Variants in PAX3 observed in about 807,000 individuals in gnomAD.
PAX3 encodes paired box protein Pax-3.
PAX3 carries 14 observed loss-of-function variants against 51.6 expected under a neutral mutation model. That is an observed-to-expected ratio of 0.27 (90% confidence interval 0.18 to 0.42). The LOEUF (loss-of-function observed/expected upper bound fraction) is 0.42, where lower values mean the gene tolerates loss of function less well. PAX3 is among the 10% of genes least tolerant of loss of function. The pLI, the probability that PAX3 is intolerant of heterozygous loss-of-function variation, is 1.00. For synonymous variants in PAX3, 280 were observed against 253.4 expected, an observed-to-expected ratio of 1.11 and a Z score of -1.00; for missense variants, 540 against 642.8, an observed-to-expected ratio of 0.84 and a Z score of 1.73.
At chr2:222,252,479 C>T (rs1468475183) in intron 4 of PAX3, among the ~76,000 whole-genome samples, 4 of 152,162 alleles carry the variant, frequency 2.6e-5, no homozygotes, top group Non-Finnish European at 5.9e-5. Context: ...AATTAACATT[C>T]AATCTCTCTC....
intron 4 of PAX3, among the ~76,000 whole-genome samples, chr2:222,253,863 C>T (rs1466995752): frequency 6.6e-6 from 1 of 152,080 alleles, no homozygotes; most frequent in African/African-American, 2.4e-5. Flanking sequence ...CTATGTTGCC[C>T]AGCCTGTTGC....
intron 7 of PAX3, among the ~76,000 whole-genome samples, chr2:222,219,891 A>T (rs1310410038): frequency 1.3e-5 from 2 of 152,226 alleles, no homozygotes. Context: ...ACACCTTCAC[A>T]GCTAAATATG....
intron 7 of PAX3, among the ~76,000 whole-genome samples, chr2:222,219,881 A>G (rs189678989): frequency 1.3e-5 from 2 of 152,342 alleles, no homozygotes; most frequent in East Asian, 3.9e-4. Context: ...AACATGGCAA[A>G]CACCTTCACA....
chr2:222,291,969 G>GGTGTGTGTGTGTGTGTGT (rs3997675), intron 4 of PAX3, among the ~76,000 whole-genome samples: 8 of 133,640 alleles, frequency 6.0e-5, no homozygotes, highest in African/African-American at 1.1e-4. Flanking sequence ...CAGCCTCCAA[G>GGTGTGTGTGTGTGTGTGT]GTGTGTGTGT....
At chr2:222,276,796 G>A (rs1574733487) in intron 4 of PAX3, among the ~76,000 whole-genome samples, 1 of 152,342 alleles carries the variant, frequency 6.6e-6, no homozygotes, top group African/African-American at 2.4e-5. Context: ...GCAGTGAGTG[G>A]ATATTTCTCA....
At chr2:222,250,216 G>A (rs753070538) in intron 4 of PAX3, among the ~76,000 whole-genome samples, 1 of 152,094 alleles carries the variant, frequency 6.6e-6, no homozygotes, top group Non-Finnish European at 1.5e-5. Context: ...AATAGTTTGT[G>A]AAATTCTATT....
intron 1 of PAX3, among the ~76,000 whole-genome samples, chr2:222,297,928 G>A (rs2106206125): frequency 6.6e-6 from 1 of 152,348 alleles, no homozygotes; most frequent in East Asian, 1.9e-4. Flanking sequence ...GCTCAGGCTT[G>A]CAAGACTTCC....
At chr2:222,205,339 A>G (rs922866306) in intron 7 of PAX3, among the ~76,000 whole-genome samples, 4 of 152,078 alleles carry the variant, frequency 2.6e-5, no homozygotes, top group African/African-American at 4.8e-5. Context: ...GTGTGTCACT[A>G]TTGTCACACA....
chr2:222,256,837 G>A (rs1416731288), intron 4 of PAX3, among the ~76,000 whole-genome samples: 1 of 152,208 alleles, frequency 6.6e-6, no homozygotes, highest in African/African-American at 2.4e-5. Flanking sequence ...AAATTCGACA[G>A]ACTGGCCCAA....
At chr2:222,281,049 A>T (rs1321475196) in intron 4 of PAX3, among the ~76,000 whole-genome samples, 1 of 152,206 alleles carries the variant, frequency 6.6e-6, no homozygotes, top group Non-Finnish European at 1.5e-5. Context: ...AATGTGTGTC[A>T]TGTACACACG....
At chr2:222,265,469 C>T (rs369502329) in intron 4 of PAX3, among the ~76,000 whole-genome samples, 2 of 151,556 alleles carry the variant, frequency 1.3e-5, no homozygotes, top group South Asian at 2.1e-4. Flanking sequence ...CTGGCTAACA[C>T]GGTGAAACCC....
intron 1 of PAX3, chr2:222,298,217 G>A (rs1277781901): frequency 2.4e-6 from 1 of 421,542 alleles, no homozygotes; most frequent in Non-Finnish European, 4.3e-6. Flanking sequence ...TTGCGGAGAA[G>A]TTGCTTCTGC....
At chr2:222,225,897 T>G (rs1349907102) in intron 5 of PAX3, among the ~76,000 whole-genome samples, 1 of 152,230 alleles carries the variant, frequency 6.6e-6, no homozygotes, top group Non-Finnish European at 1.5e-5. Flanking sequence ...CTTTTGTGTC[T>G]GTGAGTAAAC....
chr2:222,249,704 G>A (rs761991316), intron 4 of PAX3, among the ~76,000 whole-genome samples: 8 of 152,108 alleles, frequency 5.3e-5, no homozygotes, highest in South Asian at 4.2e-4. Context: ...CCTTGCCCCC[G>A]GGGTCCCGCA....
intron 4 of PAX3, among the ~76,000 whole-genome samples, chr2:222,235,785 A>G (rs1306019673): frequency 6.6e-6 from 1 of 152,216 alleles, no homozygotes; most frequent in Non-Finnish European, 1.5e-5. Context: ...TAAAAGAAAA[A>G]AAAAGTCTCA....
chr2:222,241,706 GAC>G (rs1408545038), intron 4 of PAX3, among the ~76,000 whole-genome samples: 11 of 152,222 alleles, frequency 7.2e-5, no homozygotes, highest in African/African-American at 2.4e-4. Context: ...AGCACAGCTT[GAC>G]ACAGTTATTA....
intron 7 of PAX3, chr2:222,214,263 G>A (rs1294836445): frequency 6.6e-6 from 1 of 152,144 alleles, no homozygotes; most frequent in Non-Finnish European, 1.5e-5. Context: ...TTTGTCAAAA[G>A]GAACTGTGCT....
intron 4 of PAX3, among the ~76,000 whole-genome samples, chr2:222,274,685 C>T (rs1248735804): frequency 1.3e-5 from 2 of 152,052 alleles, no homozygotes; most frequent in Non-Finnish European, 2.9e-5. Context: ...AACAACTCTT[C>T]TTCGAACCTC....
intron 4 of PAX3, among the ~76,000 whole-genome samples, chr2:222,245,055 C>T (rs933944956): frequency 3.9e-5 from 6 of 151,996 alleles, no homozygotes; most frequent in South Asian, 2.1e-4. Flanking sequence ...GGCTGAGGCA[C>T]GAGAATCACT....
Sources: gnomAD v4.1 joint callset for allele counts (sites outside exome capture counted in the v4.1 genomes callset) on GRCh38, gnomAD v4.1.1 for gene constraint, MANE v1.5 for transcripts, NCBI Gene and HGNC (gene_info 2026-07-23, HGNC 2026-07-21) for gene names.